The following CASKIN1 variants were observed in gnomAD, a reference collection of about 807,000 sequenced individuals.
CASKIN1 encodes CASK interacting protein 1.
Under a neutral mutation model 117.5 loss-of-function variants are expected in CASKIN1, and 42 were observed. That is an observed-to-expected ratio of 0.36 (90% CI 0.28 to 0.46). CASKIN1 has a LOEUF of 0.46. Among genes scored for constraint, CASKIN1 ranks in the 20% least tolerant of loss-of-function variants. The pLI is 1.00. For missense variants in CASKIN1, 2,083 were observed against 2,077.3 expected (o/e 1.00, Z -0.05); for synonymous variants, 1,148 against 961.7 (o/e 1.19, Z -3.59).
rs1287380710 is a variant in CASKIN1 at position 2,181,039 on chromosome 16, G to A, written c.2329C>T (p.Pro777Ser). ...LPPGTSHFTPPQTPTKTRPGS... is the reference protein window; with the variant it reads ...LPPGTSHFTPSQTPTKTRPGS... ...GGTCGGGTTTTGGTGGGCGTCTGGGGGGGCGTGAAGTGGCTAGTGCCTGGT... is the reference window on the plus strand; with the variant it reads ...GGTCGGGTTTTGGTGGGCGTCTGGGAGGGCGTGAAGTGGCTAGTGCCTGGT... Residue 777 changes from proline to serine, a missense_variant, in exon 18 of 20, where the codon CCC becomes TCC. By Grantham distance (74) the Pro-to-Ser change is moderately conservative (BLOSUM62 -1). This residue lies in a region of CASKIN1 where 1,818 missense variants were observed against 1,688.9 expected (regional missense o/e 1.08). Transcript: ENST00000343516. 1.3e-6 allele frequency: 2 copies of A among 1,487,168 alleles called. No individual in the cohort carries two copies. Among genetic ancestry groups the A allele is most frequent in the South Asian group, 1.4e-5 (1 of 71,974 alleles). The allele number at this position is 1,487,168 out of a possible 1,614,324, so 92.1% of individuals were successfully genotyped here. A position where few individuals can be genotyped will look rare whatever the true frequency, so the allele number is the denominator to read the frequency against.
Position 2,179,191 on chromosome 16 carries a change from C to G in CASKIN1, c.3910G>C (p.Ala1304Pro). 8.8e-7 allele frequency: 1 copy of G among 1,139,652 alleles called. No individual in the cohort carries two copies. The allele number at this position is 1,139,652 out of a possible 1,614,324, so 70.6% of individuals were successfully genotyped here. Reference protein sequence around the residue: ...SAGPSPAPSPARQPPAALAKP... With the variant: ...SAGPSPAPSPPRQPPAALAKP... Reference sequence around the variant, plus strand: ...GCGAGGGCGGCGGGCGGCTGTCGCGCGGGCGAGGGTGCGGGTGAAGGGCCG... The same window carrying G: ...GCGAGGGCGGCGGGCGGCTGTCGCGGGGGCGAGGGTGCGGGTGAAGGGCCG... The change falls in exon 19 of 20, where the codon GCG becomes CCG. Residue 1304 changes from alanine to proline, a missense_variant. Coordinates refer to ENST00000343516, the MANE Select transcript of CASKIN1 (RefSeq NM_020764.4). This position sits in a 1 kb window ranked among gnomAD's most constrained non-coding sequence, Gnocchi z 5.8.
In CASKIN1 at chr16:2,179,624, C is replaced by T; in HGVS notation, c.3744G>A (p.Lys1248=). 1 of 1,469,626 alleles carries T rather than the reference C, an allele frequency of 6.8e-7. No homozygotes were observed. Among genetic ancestry groups the T allele is most frequent in the Admixed American group, 2.7e-5 (1 of 37,410 alleles). 91.0% of individuals were successfully genotyped at this position (1,469,626 alleles called of 1,614,324 possible). A position where few individuals can be genotyped will look rare whatever the true frequency, so the allele number is the denominator to read the frequency against. ...KLQGSPTPTS[K]KVPLPGPGSP... ...TGCCAGGGCCTGGCAGCGGCACCTT[C>T]TTGGAGGTGGGTGTGGGCGAGCCCT... Residue 1248 remains lysine, a synonymous_variant, in exon 18 of 20, where the codon AAG becomes AAA. Coordinates refer to ENST00000343516, the MANE Select transcript of CASKIN1 (RefSeq NM_020764.4). The surrounding 1 kb of genome is among the most constrained non-coding windows in gnomAD (Gnocchi z 5.8).
chr16:2,180,574 G>T lies in CASKIN1; in HGVS notation c.2794C>A (p.Arg932Ser). 1 of 1,566,998 alleles carries T rather than the reference G, an allele frequency of 6.4e-7. No individual in the cohort carries two copies. The highest frequency in any genetic ancestry group is 1.3e-5 in the African/African-American group (1 of 74,270). Residue 932 changes from arginine (R) to serine (S), a missense_variant, in exon 18 of 20, where the codon CGC becomes AGC. Physicochemically the swap from Arg to Ser is moderately radical, Grantham distance 110 (BLOSUM62 -1). This residue lies in a region of CASKIN1 where 1,818 missense variants were observed against 1,688.9 expected (regional missense o/e 1.08). Transcript: ENST00000343516. ...APAGADKNVN[R>S]SQSFAVRPRK... is the part of the protein sequence containing the mutation. ...GGCCGCACGGCAAAGGACTGGCTGC[G>T]GTTGACGTTCTTGTCGGCACCTGCG...
Position 2,181,310 on chromosome 16 carries a change from CG to C in CASKIN1, c.2057del (p.Pro686ArgfsTer18). On this transcript the variant is annotated frameshift_variant, in exon 18 of 20. Transcript: ENST00000343516. LOFTEE classifies it high-confidence loss of function. ...TGGAGTCCTGCCGCGTGGTGGCCCT[CG>C]GGGTGGGTGGCAGGTGGCTGGAGGG... ...EKPSSHLPPT[P>X]RATTRQDSSL... The C allele has an allele frequency of 6.2e-7, 1 of 1,603,926 alleles. No homozygotes were observed.
At chr16:2,192,932 G>A (rs1403502184) in intron 1 of CASKIN1, among the ~76,000 whole-genome samples, 2 of 152,246 alleles carry the variant, frequency 1.3e-5, no homozygotes, top group East Asian at 3.8e-4. Flanking sequence ...TGGCCGCCGA[G>A]GCGACTTAAT....
intron 1 of CASKIN1, among the ~76,000 whole-genome samples, chr16:2,192,573 T>C (rs1596694968): frequency 6.6e-6 from 1 of 152,150 alleles, no homozygotes; most frequent in Non-Finnish European, 1.5e-5. Context: ...CCACATGCCC[T>C]GTGTGCACGT....
At position 2,196,472 on chromosome 16, in the gene CASKIN1, G is replaced by A. The variant is rs1244920790; in HGVS notation, c.-40C>T. ...CGCAGCGACGCGGCTGCGCTCGTGA[G>A]CTCGGCGCGGCTCAGAGGCGGCGGC... On this transcript the variant is annotated 5_prime_UTR_variant, in exon 1 of 20. Coordinates refer to ENST00000343516, the MANE Select transcript of CASKIN1 (RefSeq NM_020764.4). This position sits in a 1 kb window ranked among gnomAD's most constrained non-coding sequence, Gnocchi z 5.7. 1 of 1,032,614 alleles carries A rather than the reference G, an allele frequency of 9.7e-7. No homozygotes were observed. Among genetic ancestry groups the A allele is most frequent in the Non-Finnish European group, 1.2e-6 (1 of 849,140 alleles). 64.0% of individuals were successfully genotyped at this position (1,032,614 alleles called of 1,614,324 possible).
At chr16:2,178,833 T>A (rs1349882282) in intron 19 of CASKIN1, 69 bp downstream of exon 19, 1 of 1,082,714 alleles carries the variant, frequency 9.2e-7, no homozygotes, top group African/African-American at 1.9e-5. Context: ...GCCCCGCCCA[T>A]CTCTGCCGAG....
intron 14 of CASKIN1, 112 bp downstream of exon 14, chr16:2,184,665 G>T: frequency 1.1e-6 from 1 of 876,844 alleles, no homozygotes; most frequent in Non-Finnish European, 1.6e-6. Flanking sequence ...GCCTGGCAAT[G>T]CCCCCGACCC....
intron 10 of CASKIN1, among the ~76,000 whole-genome samples, chr16:2,185,883 C>T (rs1248764973): frequency 1.3e-5 from 2 of 152,270 alleles, no homozygotes; most frequent in Non-Finnish European, 2.9e-5. Flanking sequence ...CTCTCCTCAG[C>T]CTCCTGTTAC....
In CASKIN1 at chr16:2,187,938, C is replaced by G. The variant is rs182228807; in HGVS notation, c.618-477G>C. 1.1e-4 allele frequency among the ~76,000 whole-genome samples: 17 copies of G among 152,118 alleles called. No homozygotes were observed. The East Asian group carries it at 3.3e-3, about 29-fold the overall frequency. On this transcript the variant is annotated intron_variant, in intron 6 of 19. Transcript: ENST00000343516. ...TCACTCTGTCACCCAGGCTGGAGTA[C>G]AGTGGTGCAGTCATGGCTTACTGCA...
intron 17 of CASKIN1, 24 bp downstream of exon 17, chr16:2,181,767 C>G (rs746248420): frequency 3.1e-6 from 5 of 1,607,036 alleles, no homozygotes; most frequent in South Asian, 1.1e-5. Flanking sequence ...GGGCTGGGGA[C>G]GAGGGCTGGG....
In CASKIN1 at chr16:2,186,816, C is replaced by T. The variant is rs1424010035; in HGVS notation, c.939G>A (p.Glu313=). Residue 313 remains glutamate (E), a synonymous_variant, in exon 10 of 20, where the codon GAG becomes GAA. Coordinates refer to ENST00000343516, the MANE Select transcript of CASKIN1 (RefSeq NM_020764.4). The stretch of plus-strand genomic sequence containing the variant: ...CCTTCCACCGGCCATCCGGATGCTG[C>T]TCGAGGACCTGGCCAGTAAGGTGGG... The part of the protein sequence containing the change: ...VKAGDIITVL[E]QHPDGRWKGC... 5 of 1,612,854 alleles carry T rather than the reference C, an allele frequency of 3.1e-6. No individual in the cohort carries two copies. The African/African-American group carries it at 5.3e-5, about 17-fold the overall frequency.
In CASKIN1 at chr16:2,179,119, G is replaced by A. The variant is rs1397902418; in HGVS notation, c.3982C>T (p.Pro1328Ser). 3 of 1,012,320 alleles carry A rather than the reference G, an allele frequency of 3.0e-6. No individual in the cohort carries two copies. The highest frequency in any genetic ancestry group is 1.2e-4 in the Admixed American group (2 of 16,670). 62.7% of individuals were successfully genotyped at this position (1,012,320 alleles called of 1,614,324 possible). The part of the protein sequence containing the change: ...PPSLGASPAK[P>S]PSPGAPALHV... ...AGCGCGGGCGCGCCGGGGGACGGGG[G>A]CTTGGCGGGGCTGGCGCCCAGCGAG... The change falls in exon 19 of 20, where the codon CCC (proline) becomes TCC (serine). Residue 1328 changes from proline to serine, a missense_variant. By Grantham distance (74) the Pro-to-Ser change is moderately conservative (BLOSUM62 -1). This residue lies in a region of CASKIN1 where 1,818 missense variants were observed against 1,688.9 expected (regional missense o/e 1.08). Transcript: ENST00000343516. This position sits in a 1 kb window ranked among gnomAD's most constrained non-coding sequence, Gnocchi z 5.8.
At chr16:2,184,590 G>A (rs925666554) in intron 14 of CASKIN1, among the ~76,000 whole-genome samples, 187 bp downstream of exon 14, 6 of 152,046 alleles carry the variant, frequency 3.9e-5, no homozygotes, top group African/African-American at 1.2e-4. Context: ...GCACAATGAC[G>A]ACACCCGTAC....
intron 19 of CASKIN1, 75 bp from the exon 20 acceptor site, chr16:2,178,721 A>G (rs958888697): frequency 2.1e-6 from 3 of 1,395,574 alleles, no homozygotes; most frequent in African/African-American, 3.0e-5. Context: ...GGACACGCCC[A>G]CGTCCCGCAT....
At position 2,185,039 on chromosome 16, in the gene CASKIN1, C is replaced by T; in HGVS notation, c.1240-4G>A. 2 of 1,607,964 alleles carry T rather than the reference C, an allele frequency of 1.2e-6. No homozygotes were observed. Among genetic ancestry groups the T allele is most frequent in the Non-Finnish European group, 1.7e-6 (2 of 1,176,124 alleles). On this transcript the variant is annotated splice_polypyrimidine_tract_variant and splice_region_variant and intron_variant, in intron 12 of 19. Coordinates refer to ENST00000343516, the MANE Select transcript of CASKIN1 (RefSeq NM_020764.4). ...GGGAAAGCACCGTTGCCAGGAGCTGCAACCCAGAAACCCCGGCTTGTCACC... is the reference window on the plus strand; with the variant it reads ...GGGAAAGCACCGTTGCCAGGAGCTGTAACCCAGAAACCCCGGCTTGTCACC...
At chr16:2,188,154 G>T (rs1186788746) in intron 6 of CASKIN1, among the ~76,000 whole-genome samples, 1 of 149,982 alleles carries the variant, frequency 6.7e-6, no homozygotes, top group Non-Finnish European at 1.5e-5. Flanking sequence ...AAAATACTGG[G>T]ATTGCAGCAT....
intron 1 of CASKIN1, among the ~76,000 whole-genome samples, chr16:2,195,481 C>T (rs2093213081): frequency 2.0e-5 from 3 of 152,230 alleles, no homozygotes; most frequent in Admixed American, 6.5e-5. Flanking sequence ...GCCGCACACG[C>T]GGCTGGTCCA....
Sources: allele counts gnomAD v4.1 joint callset (sites outside exome capture counted in the v4.1 genomes callset), GRCh38; gene constraint gnomAD v4.1.1; regional missense constraint gnomAD v4.1.1; non-coding constraint Gnocchi (gnomAD v3.1); transcripts MANE v1.5; gene names NCBI Gene and HGNC (gene_info 2026-07-23, HGNC 2026-07-21).